SCAND3: variants seen among roughly 807,000 people sequenced by gnomAD.
SCAND3 encodes SCAN domain containing 3.
chr6:28,607,226 C>T, the SCAND3 span, among the ~76,000 whole-genome samples: 3 of 152,178 alleles, frequency 2.0e-5, no homozygotes, highest in African/African-American at 4.8e-5. Flanking sequence ...CCGGCACCTC[C>T]ACCAGTTTTG....
At chr6:28,572,600 T>A in the SCAND3 span, 1 of 1,614,054 alleles carries the variant, frequency 6.2e-7, no homozygotes, top group East Asian at 2.2e-5. This position sits in a 1 kb window ranked among gnomAD's most constrained non-coding sequence, Gnocchi z 4.1. Context: ...GCTGTCCAAT[T>A]CACATCTTTA....
At chr6:28,575,084 C>G in the SCAND3 span, 1 of 1,614,150 alleles carries the variant, frequency 6.2e-7, no homozygotes, top group Non-Finnish European at 8.5e-7. This position sits in a 1 kb window ranked among gnomAD's most constrained non-coding sequence, Gnocchi z 4.2. Context: ...AAGCTGGCAA[C>G]AAGTTCTTCA....
chr6:28,581,240 A>G, the SCAND3 span, among the ~76,000 whole-genome samples: 1 of 152,296 alleles, frequency 6.6e-6, no homozygotes, highest in South Asian at 2.1e-4. Flanking sequence ...CAGGAGGCTG[A>G]GGAAGGCAGA....
the SCAND3 span, chr6:28,586,678 G>T: frequency 6.2e-7 from 1 of 1,613,970 alleles, no homozygotes; most frequent in East Asian, 2.2e-5. This position sits in a 1 kb window ranked among gnomAD's most constrained non-coding sequence, Gnocchi z 4.4. Flanking sequence ...TCTGGAGCCT[G>T]GCCAGCCAAG....
chr6:28,588,160 G>C, the SCAND3 span: 1 of 152,186 alleles, frequency 6.6e-6, no homozygotes, highest in Non-Finnish European at 1.5e-5. This position sits in a 1 kb window ranked among gnomAD's most constrained non-coding sequence, Gnocchi z 4.1. Flanking sequence ...TCCGTGAATG[G>C]TCTTGAGTAA....
chr6:28,587,756 A>T, the SCAND3 span: 1 of 150,980 alleles, frequency 6.6e-6, no homozygotes, highest in Admixed American at 6.6e-5. Flanking sequence ...CATTGTTTCC[A>T]TTTTACGGAT....
the SCAND3 span, among the ~76,000 whole-genome samples, chr6:28,605,116 T>G: frequency 6.6e-6 from 1 of 152,162 alleles, no homozygotes; most frequent in East Asian, 1.9e-4. Context: ...GTATCTGACT[T>G]CAGGTTAAAC....
the SCAND3 span, among the ~76,000 whole-genome samples, chr6:28,609,980 C>T: frequency 6.6e-6 from 1 of 152,112 alleles, no homozygotes; most frequent in Non-Finnish European, 1.5e-5. Flanking sequence ...AATCCCAGTG[C>T]TTTGGGAGGT....
the SCAND3 span, chr6:28,571,052 G>C: frequency 6.6e-6 from 1 of 152,150 alleles, no homozygotes; most frequent in Non-Finnish European, 1.5e-5. Context: ...AGCAGGTCAC[G>C]CCTGTAATCC....
At chr6:28,614,286 C>G in the SCAND3 span, among the ~76,000 whole-genome samples, 1 of 151,788 alleles carries the variant, frequency 6.6e-6, no homozygotes, top group African/African-American at 2.4e-5. Flanking sequence ...TCAAAAGACA[C>G]TATTTCTTAT....
chr6:28,582,877 C>T, the SCAND3 span, among the ~76,000 whole-genome samples: 1 of 151,710 alleles, frequency 6.6e-6, no homozygotes, highest in South Asian at 2.1e-4. This position sits in a 1 kb window ranked among gnomAD's most constrained non-coding sequence, Gnocchi z 4.8. Context: ...AGCCAAGATC[C>T]TGCCACTGCA....
the SCAND3 span, chr6:28,590,073 T>C: frequency 6.6e-6 from 1 of 151,904 alleles, no homozygotes; most frequent in East Asian, 1.9e-4. Flanking sequence ...CGGCGTCGAG[T>C]CTTCCAGCCG....
the SCAND3 span, chr6:28,589,450 T>C: frequency 6.6e-6 from 1 of 151,110 alleles, no homozygotes; most frequent in East Asian, 1.9e-4. Context: ...CGGTGGGACC[T>C]TTCAAAGGTG....
At chr6:28,585,339 C>CA in the SCAND3 span, 1 of 152,088 alleles carries the variant, frequency 6.6e-6, no homozygotes, top group Admixed American at 6.6e-5. Context: ...AAAAAATACA[C>CA]AAAGATGGGA....
chr6:28,586,625 GTCT>G, the SCAND3 span: 11 of 1,613,926 alleles, frequency 6.8e-6, no homozygotes, highest in Admixed American at 1.3e-4. The surrounding 1 kb of genome is among the most constrained non-coding windows in gnomAD (Gnocchi z 4.4). Context: ...CCCAAGTGTG[GTCT>G]TCTTCTTTAA....
the SCAND3 span, chr6:28,573,197 A>T: frequency 6.2e-7 from 1 of 1,613,966 alleles, no homozygotes. Context: ...AATGAAAAAT[A>T]CTTTGCTAGT....
At chr6:28,595,330 C>CAAAAAAAAAAAAAAAAAAAAAAAA in the SCAND3 span, among the ~76,000 whole-genome samples, 1 of 37,330 alleles carries the variant, frequency 2.7e-5, no homozygotes, top group Non-Finnish European at 5.3e-5. Flanking sequence ...AACCCAGTCT[C>CAAAAAAAAAAAAAAAAAAAAAAAA]AAAAAAAAAA....
chr6:28,606,337 T>C, the SCAND3 span, among the ~76,000 whole-genome samples: 1 of 152,090 alleles, frequency 6.6e-6, no homozygotes, highest in Non-Finnish European at 1.5e-5. Flanking sequence ...GCCTCAGAAG[T>C]CAATAGTTGT....
the SCAND3 span, among the ~76,000 whole-genome samples, chr6:28,588,275 C>G: frequency 1.3e-5 from 2 of 152,324 alleles, no homozygotes; most frequent in African/African-American, 4.8e-5. This position sits in a 1 kb window ranked among gnomAD's most constrained non-coding sequence, Gnocchi z 4.1. Flanking sequence ...GTTTCCCCCC[C>G]TAACTATCCT....
Sources: gnomAD v4.1 joint callset for allele counts (sites outside exome capture counted in the v4.1 genomes callset) on GRCh38, gnomAD v4.1.1 for gene constraint, Gnocchi (gnomAD v3.1) non-coding constraint, MANE v1.5 for transcripts, NCBI Gene and HGNC (gene_info 2026-07-23, HGNC 2026-07-21) for gene names.